The following TRPC4 variants were observed in gnomAD, a reference collection of about 807,000 sequenced individuals.
TRPC4 encodes transient receptor potential cation channel subfamily C member 4.
TRPC4 carries 49 observed loss-of-function variants against 99.4 expected under a neutral mutation model. The observed-to-expected ratio is 0.49, with a 90% CI of 0.39 to 0.63. The LOEUF is 0.63. Among genes scored for constraint, TRPC4 ranks in the 20% least tolerant of loss-of-function variants. The pLI is 0.00. For missense variants in TRPC4, 898 were observed against 1,152.9 expected, an observed-to-expected ratio of 0.78 and a Z score of 3.20; for synonymous variants, 454 against 425.9, an observed-to-expected ratio of 1.07 and a Z score of -0.81.
intron 3 of TRPC4, among the ~76,000 whole-genome samples, chr13:37,745,474 A>ATATATATG (rs1566138420): frequency 4.7e-4 from 1 of 2,122 alleles, no homozygotes. Context: ...ATATATATAT[A>ATATATATG]CACACACACA....
intron 4 of TRPC4, among the ~76,000 whole-genome samples, chr13:37,686,879 T>C (rs918813098): frequency 6.6e-6 from 1 of 152,204 alleles, no homozygotes; most frequent in African/African-American, 2.4e-5. Flanking sequence ...GTCACGTCGC[T>C]TCAGCAGCCA....
At chr13:37,811,483 A>T (rs1176822343) in intron 1 of TRPC4, among the ~76,000 whole-genome samples, 5 of 152,150 alleles carry the variant, frequency 3.3e-5, no homozygotes. Flanking sequence ...GGAGCCTTTC[A>T]AACTCCCTCA....
chr13:37,718,472 G>A (rs1344752892), intron 3 of TRPC4, among the ~76,000 whole-genome samples: 3 of 151,866 alleles, frequency 2.0e-5, no homozygotes, highest in Non-Finnish European at 2.9e-5. Flanking sequence ...CCCAGATAAT[G>A]GATTTAGCAG....
At chr13:37,800,218 G>GA (rs1452724115) in intron 1 of TRPC4, among the ~76,000 whole-genome samples, 1 of 152,062 alleles carries the variant, frequency 6.6e-6, no homozygotes, top group Non-Finnish European at 1.5e-5. Context: ...TTTAGAGATA[G>GA]GTCTTACTAT....
At chr13:37,863,633 T>C (rs184962552) in intron 1 of TRPC4, among the ~76,000 whole-genome samples, 1 of 151,624 alleles carries the variant, frequency 6.6e-6, no homozygotes, top group Non-Finnish European at 1.5e-5. Flanking sequence ...ATGAAAGGGA[T>C]CTTTACATAA....
chr13:37,699,846 G>A (rs1262921862), intron 3 of TRPC4, among the ~76,000 whole-genome samples: 1 of 152,162 alleles, frequency 6.6e-6, no homozygotes, highest in African/African-American at 2.4e-5. Flanking sequence ...TTAAACTTCT[G>A]AAACCATTCC....
At position 37,692,040 on chromosome 13, in the gene TRPC4, G is replaced by T. The variant is rs1225631106; in HGVS notation, c.1193C>A (p.Pro398Gln). 1.2e-6 allele frequency: 2 copies of T among 1,614,006 alleles called. No individual in the cohort carries two copies. The highest frequency in any genetic ancestry group is 1.3e-5 in the African/African-American group (1 of 75,032). The change falls in exon 4 of 11, where the codon CCA (proline) becomes CAA (glutamine). Residue 398 changes from proline to glutamine, a missense_variant. Around this residue, in one of 3 missense-constraint regions of TRPC4, gnomAD observed 274 missense variants for 454.9 expected, o/e 0.60. Transcript: ENST00000379705. ...TATCATCCACTCGACGATGGTTGGT[G>T]GTGGACCTTGCCTGTTCAAGTCTGA... ...DRSDLNRQGP[P>Q]PTIVEWMILP... is the part of the protein sequence containing the mutation.
At chr13:37,832,179 A>G (rs775930368) in intron 1 of TRPC4, among the ~76,000 whole-genome samples, 2 of 152,202 alleles carry the variant, frequency 1.3e-5, no homozygotes, top group Non-Finnish European at 2.9e-5. Context: ...TGTAAATTAC[A>G]GTAAAATAAT....
At chr13:37,804,262 A>C (rs977851320) in intron 1 of TRPC4, among the ~76,000 whole-genome samples, 3 of 152,056 alleles carry the variant, frequency 2.0e-5, no homozygotes, top group African/African-American at 7.2e-5. Flanking sequence ...TTATTCTCAC[A>C]GCTCCAGGAG....
intron 3 of TRPC4, among the ~76,000 whole-genome samples, chr13:37,702,552 G>A (rs1451622734): frequency 1.3e-5 from 2 of 152,078 alleles, no homozygotes; most frequent in Non-Finnish European, 2.9e-5. Flanking sequence ...AAAAATTGAA[G>A]AAATATCACA....
rs767893440 is a variant in TRPC4, at chr13:37,663,714, G to T, written c.1390C>A (p.Pro464Thr). The T allele has an allele frequency of 3.1e-6, 5 of 1,613,606 alleles. No homozygotes were observed. Among genetic ancestry groups the T allele is most frequent in the Non-Finnish European group, 4.2e-6 (5 of 1,179,794 alleles). ...TGCCACATGTCCCATGATTCTCGTG[G>T]ATTAAGGGCACTGTACTGGAAAAAA... The part of the protein sequence containing the change: ...VAFVKYSALN[P>T]RESWDMWHPT... Residue 464 changes from proline to threonine, a missense_variant, in exon 6 of 11, where the codon CCA (proline) becomes ACA (threonine). Transcript: ENST00000379705.
At chr13:37,661,620 A>G (rs1181560683) in intron 6 of TRPC4, among the ~76,000 whole-genome samples, 1 of 152,194 alleles carries the variant, frequency 6.6e-6, no homozygotes, top group African/African-American at 2.4e-5. Flanking sequence ...GTAAGAAGAA[A>G]GTTGTGAAAG....
intron 7 of TRPC4, 27 bp from the exon 8 acceptor site, chr13:37,651,486 G>A: frequency 6.3e-7 from 1 of 1,597,122 alleles, no homozygotes; most frequent in Non-Finnish European, 8.6e-7. Flanking sequence ...GACAACTGAT[G>A]ATAGGTTCCT....
chr13:37,760,242 C>G (rs1163802060), intron 2 of TRPC4, among the ~76,000 whole-genome samples: 3 of 151,930 alleles, frequency 2.0e-5, no homozygotes, highest in Admixed American at 2.0e-4. Flanking sequence ...CTACTGTGCA[C>G]TACACTTCAG....
At chr13:37,725,267 A>G (rs890115986) in intron 3 of TRPC4, among the ~76,000 whole-genome samples, 7 of 152,106 alleles carry the variant, frequency 4.6e-5, no homozygotes, top group African/African-American at 1.7e-4. Flanking sequence ...GTGGACCAAT[A>G]TATACATTGT....
At position 37,711,319 on chromosome 13, in the gene TRPC4, C is replaced by A. The variant is rs534477723; in HGVS notation, c.898-18984G>T. ...GGTTATTTCAAACAGAACTTCTCTG[C>A]AACATTTTCTAAGGGTTTATGGTAT... On this transcript the variant is annotated intron_variant, in intron 3 of 10. Transcript: ENST00000379705. 2.0e-3 allele frequency among the ~76,000 whole-genome samples: 297 copies of A among 152,030 alleles called. 2 individuals are homozygous for A. Among genetic ancestry groups the A allele is most frequent in the Admixed American group, 3.9e-3 (60 of 15,254 alleles).
chr13:37,855,537 A>G (rs1345180918), intron 1 of TRPC4, among the ~76,000 whole-genome samples: 1 of 151,746 alleles, frequency 6.6e-6, no homozygotes, highest in Non-Finnish European at 1.5e-5. Flanking sequence ...AATAGGCTTA[A>G]TAGATATTTA....
At chr13:37,777,073 A>G (rs1956725377) in intron 2 of TRPC4, among the ~76,000 whole-genome samples, 2 of 151,988 alleles carry the variant, frequency 1.3e-5, no homozygotes, top group Admixed American at 1.3e-4. Context: ...TACTGAAACT[A>G]CATATGTCAA....
intron 1 of TRPC4, among the ~76,000 whole-genome samples, chr13:37,823,412 G>A (rs1482442387): frequency 4.9e-5 from 7 of 143,210 alleles, no homozygotes; most frequent in African/African-American, 1.0e-4. Context: ...TAGGTCTAAC[G>A]TTGAAGTCTT....
Sources: gnomAD v4.1 joint callset for allele counts (sites outside exome capture counted in the v4.1 genomes callset) on GRCh38, gnomAD v4.1.1 for gene constraint, gnomAD v4.1.1 regional missense constraint, MANE v1.5 for transcripts, NCBI Gene and HGNC (gene_info 2026-07-23, HGNC 2026-07-21) for gene names.